TMEM132D: variants seen among roughly 807,000 people sequenced by gnomAD.
TMEM132D encodes transmembrane protein 132D, also known as mature OL transmembrane protein.
A neutral mutation model predicts 62.3 loss-of-function variants in TMEM132D; 21 were observed. The ratio of observed to expected loss-of-function variants is 0.34; its 90% CI spans 0.24 to 0.49. The LOEUF (loss-of-function observed/expected upper bound fraction) is 0.49. Ranked by LOEUF, TMEM132D falls within the 20% of genes least tolerant of loss-of-function variation. The pLI, the probability that TMEM132D is intolerant of heterozygous loss-of-function variation, is 0.99. For missense variants in TMEM132D, 1,346 were observed against 1,402.8 expected (o/e 0.96, Z 0.65); for synonymous variants, 621 against 575.6 (o/e 1.08, Z -1.13).
intron 5 of TMEM132D, among the ~76,000 whole-genome samples, chr12:129,165,880 G>A (rs947937864): frequency 1.9e-4 from 29 of 152,168 alleles, no homozygotes; most frequent in African/African-American, 4.8e-5. Context: ...GCATGACCCC[G>A]GGCATGATGC....
At chr12:129,794,874 G>A (rs572037729) in intron 1 of TMEM132D, among the ~76,000 whole-genome samples, 16 of 152,122 alleles carry the variant, frequency 1.1e-4, no homozygotes, top group African/African-American at 2.7e-4. Context: ...TTCCTCCTGC[G>A]TAAATAGGAA....
At chr12:129,164,868 C>T (rs909693324) in intron 5 of TMEM132D, among the ~76,000 whole-genome samples, 2 of 152,170 alleles carry the variant, frequency 1.3e-5, no homozygotes, top group African/African-American at 4.8e-5. Flanking sequence ...AAACATATCA[C>T]CAACCTATTC....
At chr12:129,626,517 G>T (rs911945896) in intron 2 of TMEM132D, among the ~76,000 whole-genome samples, 1 of 151,912 alleles carries the variant, frequency 6.6e-6, no homozygotes, top group Non-Finnish European at 1.5e-5. Flanking sequence ...GAGTGCAGTG[G>T]CACAATCTCA....
In TMEM132D at chr12:129,271,194, A is replaced by AGCACAT. The variant is rs1880844055; in HGVS notation, c.1300-61532_1300-61531insATGTGC. Among the ~76,000 whole-genome samples, 127 of 152,098 alleles carry AGCACAT rather than the reference A, an allele frequency of 8.3e-4. 2 individuals carry two copies. The highest frequency in any genetic ancestry group is 2.9e-3 in the African/African-American group (121 of 41,384). On this transcript the variant is annotated intron_variant, in intron 4 of 8. Coordinates refer to ENST00000422113, the MANE Select transcript of TMEM132D (RefSeq NM_133448.3). ...TGGGACTGACTGATGGGGATTTGTT[A>AGCACAT]GGAAAAAAAATAAGACACCCAGACA...
chr12:129,230,506 C>T (rs1164544030), intron 4 of TMEM132D, among the ~76,000 whole-genome samples: 2 of 152,252 alleles, frequency 1.3e-5, no homozygotes, highest in Non-Finnish European at 2.9e-5. Flanking sequence ...ACACTGGTCT[C>T]ATTCTCAACT....
At chr12:129,622,890 C>T (rs1254181216) in intron 2 of TMEM132D, among the ~76,000 whole-genome samples, 1 of 152,192 alleles carries the variant, frequency 6.6e-6, no homozygotes, top group Non-Finnish European at 1.5e-5. Flanking sequence ...CTCCTTTAAA[C>T]TCTCAGTTAA....
intron 3 of TMEM132D, among the ~76,000 whole-genome samples, chr12:129,432,890 C>T (rs868476805): frequency 6.6e-6 from 1 of 152,200 alleles, no homozygotes; most frequent in South Asian, 2.1e-4. Context: ...TCAAGCTGAA[C>T]TCTGCCAGAA....
chr12:129,089,685 C>T (rs1353023337), intron 5 of TMEM132D, among the ~76,000 whole-genome samples: 1 of 152,036 alleles, frequency 6.6e-6, no homozygotes, highest in Non-Finnish European at 1.5e-5. Context: ...GAGCCCCTAA[C>T]ACGTGTCAGG....
chr12:129,766,955 C>T (rs1051936427), intron 1 of TMEM132D, among the ~76,000 whole-genome samples: 2 of 152,166 alleles, frequency 1.3e-5, no homozygotes, highest in Admixed American at 1.3e-4. Flanking sequence ...TTAGCTTGCC[C>T]TCTAACTAGC....
intron 2 of TMEM132D, among the ~76,000 whole-genome samples, chr12:129,649,334 T>C (rs1305123214): frequency 6.6e-6 from 1 of 152,096 alleles, no homozygotes; most frequent in Non-Finnish European, 1.5e-5. Flanking sequence ...ACAGAAAAAC[T>C]TGGAATTGCT....
At chr12:129,592,246 T>C (rs996425221) in intron 2 of TMEM132D, among the ~76,000 whole-genome samples, 1 of 152,150 alleles carries the variant, frequency 6.6e-6, no homozygotes, top group African/African-American at 2.4e-5. Flanking sequence ...ATAGCTGACT[T>C]GGAACTGGGA....
At chr12:129,798,227 T>C (rs1392753152) in intron 1 of TMEM132D, among the ~76,000 whole-genome samples, 1 of 152,188 alleles carries the variant, frequency 6.6e-6, no homozygotes, top group Non-Finnish European at 1.5e-5. Context: ...CTTTTCTTTA[T>C]AAATTATCGT....
rs1464555968 is a variant in TMEM132D at position 129,073,731 on chromosome 12, C to T, written c.*144G>A. The stretch of plus-strand genomic sequence containing the variant: ...CGGACTCCAGGCCTCGCCGCCGAGC[C>T]GGGGTCATTGGCTGAGGCTGTATGG... On this transcript the variant is annotated 3_prime_UTR_variant, in exon 9 of 9. Coordinates refer to ENST00000422113, the MANE Select transcript of TMEM132D (RefSeq NM_133448.3). 1.3e-5 allele frequency: 9 copies of T among 714,528 alleles called. No homozygotes were observed. The highest frequency in any genetic ancestry group is 3.6e-5 in the African/African-American group (2 of 56,108). The allele number at this position is 714,528 out of a possible 1,614,324, so 44.3% of individuals were successfully genotyped here.
chr12:129,243,277 T>C (rs1421655993), intron 4 of TMEM132D, among the ~76,000 whole-genome samples: 1 of 152,228 alleles, frequency 6.6e-6, no homozygotes, highest in Non-Finnish European at 1.5e-5. Flanking sequence ...TTATTCATTG[T>C]AGTATTTCTG....
intron 3 of TMEM132D, among the ~76,000 whole-genome samples, chr12:129,385,861 G>C (rs1026871547): frequency 6.6e-6 from 1 of 152,144 alleles, no homozygotes; most frequent in Non-Finnish European, 1.5e-5. Context: ...AGATCTACTG[G>C]GGAAGAGGCT....
At chr12:129,473,330 T>TTTTTTTTTTTTTTTTTTTTTG in intron 3 of TMEM132D, among the ~76,000 whole-genome samples, 1 of 130,426 alleles carries the variant, frequency 7.7e-6, no homozygotes, top group African/African-American at 3.1e-5. Context: ...TTTTGTTTTT[T>TTTTTTTTTTTTTTTTTTTTTG]TTTTTTTTTT....
chr12:129,274,241 G>A (rs1593319467), intron 4 of TMEM132D, among the ~76,000 whole-genome samples: 1 of 149,730 alleles, frequency 6.7e-6, no homozygotes, highest in East Asian at 1.9e-4. Flanking sequence ...CAGCTTTTCA[G>A]TGGATAGGCC....
chr12:129,693,813 C>T (rs1029827141), intron 2 of TMEM132D, among the ~76,000 whole-genome samples: 2 of 152,136 alleles, frequency 1.3e-5, no homozygotes, highest in Non-Finnish European at 2.9e-5. Flanking sequence ...GTGGAGATTT[C>T]GGACGCTAAT....
intron 2 of TMEM132D, among the ~76,000 whole-genome samples, chr12:129,631,287 G>A (rs1275985154): frequency 6.6e-6 from 1 of 152,070 alleles, no homozygotes; most frequent in African/African-American, 2.4e-5. Flanking sequence ...AAAGAACTCT[G>A]GATAAAACCA....
Sources: gnomAD v4.1 joint callset for allele counts (sites outside exome capture counted in the v4.1 genomes callset) on GRCh38, gnomAD v4.1.1 for gene constraint, MANE v1.5 for transcripts, NCBI Gene and HGNC (gene_info 2026-07-23, HGNC 2026-07-21) for gene names.